PCNX1: variants seen among roughly 807,000 people sequenced by gnomAD.
The protein encoded by PCNX1 is pecanex 1.
In PCNX1, 78 loss-of-function variants were observed where a neutral mutation model predicts 242.2. That is an observed-to-expected ratio of 0.32 (90% CI 0.27 to 0.39). The LOEUF (loss-of-function observed/expected upper bound fraction) is 0.39. PCNX1 is among the 10% of genes least tolerant of loss of function. The pLI, the probability that PCNX1 is intolerant of heterozygous loss-of-function variation, is 1.00. For synonymous variants in PCNX1, 1,024 were observed against 1,032.9 expected, an observed-to-expected ratio of 0.99 and a Z score of 0.17; for missense variants, 2,581 against 2,856.5, an observed-to-expected ratio of 0.90 and a Z score of 2.20.
intron 30 of PCNX1, among the ~76,000 whole-genome samples, chr14:71,091,520 AT>A (rs1178096990): frequency 1.3e-5 from 2 of 152,198 alleles, no homozygotes; most frequent in Non-Finnish European, 2.9e-5. Flanking sequence ...TTTTTTGGAA[AT>A]TTGCAACAAT....
At chr14:70,945,442 A>AATCCAAGTATTTAAAAATAACAAATATTT (rs546349577) in intron 1 of PCNX1, among the ~76,000 whole-genome samples, 252 of 152,320 alleles carry the variant, frequency 1.7e-3, no homozygotes, top group African/African-American at 5.7e-3. Flanking sequence ...AGGACTTCTT[A>AATCCAAGTATTTAAAAATAACAAATATTT]ATCCAAGTAT....
chr14:71,096,049 G>A (rs1223897506), intron 30 of PCNX1, among the ~76,000 whole-genome samples: 1 of 152,188 alleles, frequency 6.6e-6, no homozygotes, highest in African/African-American at 2.4e-5. Context: ...GCCGGGTGCA[G>A]TGGCTCACGC....
intron 20 of PCNX1, among the ~76,000 whole-genome samples, chr14:71,046,139 A>G (rs2060854060): frequency 6.6e-6 from 1 of 152,124 alleles, no homozygotes; most frequent in African/African-American, 2.4e-5. Context: ...AAAGCTTCCT[A>G]ATAAATAAAA....
At chr14:70,945,729 A>G (rs2057430190) in intron 1 of PCNX1, among the ~76,000 whole-genome samples, 1 of 151,636 alleles carries the variant, frequency 6.6e-6, no homozygotes, top group Non-Finnish European at 1.5e-5. Context: ...GTGCGGTGGC[A>G]TGATCTTGGC....
At chr14:70,986,269 TTTACCCCCTGAATATTATAAG>T (rs2058999148) in intron 6 of PCNX1, among the ~76,000 whole-genome samples, 1 of 152,198 alleles carries the variant, frequency 6.6e-6, no homozygotes, top group Non-Finnish European at 1.5e-5. Context: ...ACAGTAGGTG[TTTACCCCCTGAATATTATAAG>T]AGACAGCATA....
chr14:71,081,554 T>C (rs2061854874), intron 28 of PCNX1, among the ~76,000 whole-genome samples: 1 of 152,204 alleles, frequency 6.6e-6, no homozygotes, highest in Admixed American at 6.5e-5. Context: ...GAACTTGTTA[T>C]TGATCTATTC....
chr14:71,045,040 A>G (rs758669940), intron 19 of PCNX1, 93 bp from the exon 20 acceptor site: 10 of 833,560 alleles, frequency 1.2e-5, no homozygotes, highest in East Asian at 2.7e-5. Flanking sequence ...GACGTTGTCC[A>G]TTATCAGATG....
intron 11 of PCNX1, among the ~76,000 whole-genome samples, chr14:71,014,325 A>G (rs2059902117): frequency 6.6e-6 from 1 of 152,178 alleles, no homozygotes; most frequent in African/African-American, 2.4e-5. Context: ...AATACCCAGC[A>G]CCCAACAAGT....
At chr14:70,989,357 C>G (rs951257482) in intron 7 of PCNX1, among the ~76,000 whole-genome samples, 4 of 151,372 alleles carry the variant, frequency 2.6e-5, no homozygotes, top group Non-Finnish European at 5.9e-5. Flanking sequence ...TCCAGTAGTC[C>G]TAAGTAAGAA....
At chr14:70,941,526 T>C (rs1274963380) in intron 1 of PCNX1, among the ~76,000 whole-genome samples, 2 of 152,284 alleles carry the variant, frequency 1.3e-5, no homozygotes, top group East Asian at 3.9e-4. Flanking sequence ...CTGTATGAGG[T>C]GTCAGTCGAC....
chr14:70,981,871 A>G (rs2058849735), intron 6 of PCNX1, among the ~76,000 whole-genome samples: 1 of 152,210 alleles, frequency 6.6e-6, no homozygotes, highest in Non-Finnish European at 1.5e-5. Context: ...AATGGATTAC[A>G]AAGAATAGCC....
rs745432262 is a variant in PCNX1, at chr14:71,033,977, C to T, written c.3715C>T (p.Pro1239Ser). Residue 1239 changes from proline to serine, a missense_variant, in exon 18 of 36, where the codon CCA (proline) becomes TCA (serine). Around this residue, in one of 9 missense-constraint regions of PCNX1, gnomAD observed 432 missense variants for 443.1 expected, o/e 0.97. Transcript: ENST00000304743. ...TTTTCCAAAAACGGAAGAGAAAAAT[C>T]CAGAAGACCCTCTATCTGAAGTAAA... Reference protein sequence around the residue: ...KIFPKTEEKNPEDPLSEVKDP... With the variant: ...KIFPKTEEKNSEDPLSEVKDP... The T allele has an allele frequency of 1.9e-6, 3 of 1,608,120 alleles. No homozygotes were observed. The highest frequency in any genetic ancestry group is 2.5e-6 in the Non-Finnish European group (3 of 1,177,030).
chr14:71,013,968 T>C (rs986119421), intron 11 of PCNX1, among the ~76,000 whole-genome samples: 6 of 152,178 alleles, frequency 3.9e-5, no homozygotes, highest in African/African-American at 9.7e-5. Context: ...GAGATCTGCA[T>C]TGAGTCACCT....
intron 6 of PCNX1, among the ~76,000 whole-genome samples, 172 bp downstream of exon 6, chr14:70,978,820 A>G (rs1258804074): frequency 6.6e-6 from 1 of 152,186 alleles, no homozygotes; most frequent in African/African-American, 2.4e-5. Context: ...AGGTTTTGGT[A>G]TGAACACCAA....
intron 1 of PCNX1, among the ~76,000 whole-genome samples, chr14:70,925,045 G>A (rs1366212611): frequency 1.3e-5 from 2 of 151,646 alleles, no homozygotes; most frequent in Non-Finnish European, 2.9e-5. Context: ...CAGGAGTGCA[G>A]TGGTGCGATC....
intron 8 of PCNX1, among the ~76,000 whole-genome samples, chr14:70,997,848 T>G (rs2059396693): frequency 6.6e-6 from 1 of 152,204 alleles, no homozygotes; most frequent in Non-Finnish European, 1.5e-5. Flanking sequence ...TCTACTTGAT[T>G]TTAATTAGCA....
intron 31 of PCNX1, 54 bp from the exon 32 acceptor site, chr14:71,103,341 T>C: frequency 1.3e-6 from 2 of 1,574,030 alleles, no homozygotes. Flanking sequence ...CTTCTGTTTC[T>C]GTGAATTTTA....
At chr14:71,043,330 G>A (rs1011067047) in intron 19 of PCNX1, among the ~76,000 whole-genome samples, 4 of 152,150 alleles carry the variant, frequency 2.6e-5, no homozygotes, top group African/African-American at 9.7e-5. Context: ...CCTGTGTCTA[G>A]ATGTCTGTAT....
intron 15 of PCNX1, among the ~76,000 whole-genome samples, chr14:71,027,484 A>G (rs1161641961): frequency 6.6e-6 from 1 of 151,970 alleles, no homozygotes; most frequent in Non-Finnish European, 1.5e-5. Flanking sequence ...TAATCATATC[A>G]GCATACACCA....
Sources: gnomAD v4.1 joint callset for allele counts (sites outside exome capture counted in the v4.1 genomes callset) on GRCh38, gnomAD v4.1.1 for gene constraint, gnomAD v4.1.1 regional missense constraint, MANE v1.5 for transcripts, NCBI Gene and HGNC (gene_info 2026-07-23, HGNC 2026-07-21) for gene names.